Variants in ZNF586 observed in about 807,000 individuals in gnomAD.
ZNF586 encodes the protein zinc finger protein 586.
ZNF586 carries 7 observed loss-of-function variants against 6.7 expected under a neutral mutation model. That is an observed-to-expected ratio of 1.04 (90% confidence interval 0.59 to 1.95). The LOEUF (loss-of-function observed/expected upper bound fraction) is 1.95. ZNF586 is among the 30% of genes most tolerant of loss of function. The pLI is 0.00. For missense variants in ZNF586, 442 were observed against 489.6 expected (o/e 0.90, Z 0.92); for synonymous variants, 166 against 168.7 (o/e 0.98, Z 0.12).
Position 57,779,565 on chromosome 19 carries a change from T to C in ZNF586, c.978T>C (p.Phe326=). 6.2e-7 allele frequency: 1 copy of C among 1,613,628 alleles called. No homozygotes were observed. Among genetic ancestry groups the C allele is most frequent in the Non-Finnish European group, 8.5e-7 (1 of 1,179,938 alleles). Residue 326 remains phenylalanine (F), a synonymous_variant, in exon 3 of 3, where the codon TTT becomes TTC. Transcript: ENST00000396154. The part of the protein sequence containing the change: ...RHECGQCGKS[F]SRKSSLIIHL... ...AGTGCGGGCAGTGTGGGAAATCCTT[T>C]AGCCGAAAATCTAGCCTTATTATAC...
intron 1 of ZNF586, among the ~76,000 whole-genome samples, chr19:57,775,913 T>C (rs762526592): frequency 3.3e-5 from 5 of 152,182 alleles, no homozygotes; most frequent in African/African-American, 7.2e-5. Flanking sequence ...CTCTCTCTTA[T>C]GCATAGTGCA....
chr19:57,774,177 T>C (rs1987165383), intron 1 of ZNF586, among the ~76,000 whole-genome samples: 2 of 144,796 alleles, frequency 1.4e-5, no homozygotes, highest in African/African-American at 5.2e-5. Context: ...GATTGTGTCA[T>C]TGCACTCTAG....
At chr19:57,775,883 T>C (rs1286284789) in intron 1 of ZNF586, among the ~76,000 whole-genome samples, 2 of 152,132 alleles carry the variant, frequency 1.3e-5, no homozygotes, top group Non-Finnish European at 2.9e-5. Flanking sequence ...ATTACAGGCG[T>C]GCGCCACCGC....
chr19:57,776,329 A>G (rs1169876299), intron 1 of ZNF586, among the ~76,000 whole-genome samples: 1 of 152,170 alleles, frequency 6.6e-6, no homozygotes, highest in Admixed American at 6.5e-5. Context: ...CACAGCATAG[A>G]TACCTGTGTG....
chr19:57,769,860 T>C lies in ZNF586; in HGVS notation c.18T>C (p.Ala6=). The C allele has an allele frequency of 6.5e-7, 1 of 1,541,568 alleles. No homozygotes were observed. The highest frequency in any genetic ancestry group is 8.7e-7 in the Non-Finnish European group (1 of 1,144,730). Residue 6 remains alanine (A), a synonymous_variant, in exon 1 of 3, where the codon GCT becomes GCC. Transcript: ENST00000396154. MAAAA[A]LRAPAQSSVT... is the part of the protein sequence containing the mutation. ...CCAGAGTCATGGCGGCAGCAGCCGC[T>C]CTGAGGGCGCCTGCTCAGGTGAGCG...
Position 57,769,849 on chromosome 19 carries a change from G to A in ZNF586, c.7G>A (p.Ala3Thr). 1 of 1,543,568 alleles carries A rather than the reference G, an allele frequency of 6.5e-7. No homozygotes were observed. The highest frequency in any genetic ancestry group is 8.7e-7 in the Non-Finnish European group (1 of 1,145,582). Reference sequence around the variant, plus strand: ...TCCCCCCCCGCCCAGAGTCATGGCGGCAGCAGCCGCTCTGAGGGCGCCTGC... The same window carrying A: ...TCCCCCCCCGCCCAGAGTCATGGCGACAGCAGCCGCTCTGAGGGCGCCTGC... MA[A>T]AAALRAPAQS... The change falls in exon 1 of 3, where the codon GCA becomes ACA. Residue 3 changes from alanine (A) to threonine (T), a missense_variant. Transcript: ENST00000396154.
chr19:57,775,104 C>T (rs1384785636), intron 1 of ZNF586, among the ~76,000 whole-genome samples: 1 of 151,452 alleles, frequency 6.6e-6, no homozygotes, highest in African/African-American at 2.4e-5. Flanking sequence ...GTTCATGATT[C>T]TCCCGCCTCA....
intron 2 of ZNF586, among the ~76,000 whole-genome samples, chr19:57,778,086 T>C (rs1410560730): frequency 1.3e-5 from 2 of 150,108 alleles, no homozygotes; most frequent in Non-Finnish European, 3.0e-5. Flanking sequence ...TTTTTTTTTT[T>C]TTTCTTGAGA....
chr19:57,776,821 GC>G, intron 2 of ZNF586, 152 bp downstream of exon 2: 1 of 869,250 alleles, frequency 1.2e-6, no homozygotes. Context: ...TGTACGTACT[GC>G]CCTGTCCTTT....
At chr19:57,771,928 G>A (rs576769706) in intron 1 of ZNF586, among the ~76,000 whole-genome samples, 3 of 152,240 alleles carry the variant, frequency 2.0e-5, no homozygotes, top group African/African-American at 4.8e-5. Context: ...GAGTTCAAGC[G>A]ATTCTCCTGC....
At chr19:57,770,634 A>G (rs1038130907) in intron 1 of ZNF586, among the ~76,000 whole-genome samples, 2 of 152,366 alleles carry the variant, frequency 1.3e-5, no homozygotes, top group South Asian at 4.1e-4. Context: ...CTGGGCCACA[A>G]GATTAGAGAC....
At chr19:57,772,565 G>A (rs752151401) in intron 1 of ZNF586, among the ~76,000 whole-genome samples, 7 of 151,364 alleles carry the variant, frequency 4.6e-5, no homozygotes, top group East Asian at 1.9e-4. Flanking sequence ...CCCCTTCCTC[G>A]GCTTCCATTA....
At position 57,779,549 on chromosome 19, in the gene ZNF586, A is replaced by C. The variant is rs373983937; in HGVS notation, c.962A>C (p.Gln321Pro). Residue 321 changes from glutamine (Q) to proline (P), a missense_variant, in exon 3 of 3, where the codon CAG (glutamine) becomes CCG (proline). Transcript: ENST00000396154. Reference sequence around the variant, plus strand: ...ACTGGAGAAAGGCATGAGTGCGGGCAGTGTGGGAAATCCTTTAGCCGAAAA... The same window carrying C: ...ACTGGAGAAAGGCATGAGTGCGGGCCGTGTGGGAAATCCTTTAGCCGAAAA... Reference protein sequence around the residue: ...VHTGERHECGQCGKSFSRKSS... With the variant: ...VHTGERHECGPCGKSFSRKSS... The C allele has an allele frequency of 7.4e-6, 12 of 1,613,998 alleles. No homozygotes were observed. Among genetic ancestry groups the C allele is most frequent in the Non-Finnish European group, 1.0e-5 (12 of 1,180,006 alleles).
chr19:57,775,455 A>G (rs1428897384), intron 1 of ZNF586, among the ~76,000 whole-genome samples: 11 of 152,140 alleles, frequency 7.2e-5, no homozygotes, highest in African/African-American at 1.2e-4. Context: ...TGATTGTGCC[A>G]CTATGCTCCA....
rs1748726048 is a variant in ZNF586 at position 57,769,775 on chromosome 19, G to T, written c.-68G>T. On this transcript the variant is annotated 5_prime_UTR_variant, in exon 1 of 3. Coordinates refer to ENST00000396154, the MANE Select transcript of ZNF586 (RefSeq NM_017652.4). ...GGATCTGAGGTTCGGCGACGCCGCT[G>T]GTCGCGACCCGGGACAGGACAACGA... is the stretch of plus-strand genomic sequence containing the variant. 7 of 1,507,618 alleles carry T rather than the reference G, an allele frequency of 4.6e-6. No individual in the cohort carries two copies. The Admixed American group carries it at 7.9e-5, about 17-fold the overall frequency. 93.4% of individuals were successfully genotyped at this position (1,507,618 alleles called of 1,614,324 possible).
rs745881426 is a variant in ZNF586, at chr19:57,779,818, T to C, written c.*22T>C. 2 of 1,551,558 alleles carry C rather than the reference T, an allele frequency of 1.3e-6. No homozygotes were observed. The highest frequency in any genetic ancestry group is 1.7e-6 in the Non-Finnish European group (2 of 1,150,390). On this transcript the variant is annotated 3_prime_UTR_variant, in exon 3 of 3. Coordinates refer to ENST00000396154, the MANE Select transcript of ZNF586 (RefSeq NM_017652.4). Reference sequence around the variant, plus strand: ...GTGAAGCAAATTTTGGAAATTCTCTTGCCCAGGCTTTTTGCTCCTTCAAGG... The same window carrying C: ...GTGAAGCAAATTTTGGAAATTCTCTCGCCCAGGCTTTTTGCTCCTTCAAGG...
chr19:57,777,885 A>G (rs907040436), intron 2 of ZNF586, among the ~76,000 whole-genome samples: 17 of 147,046 alleles, frequency 1.2e-4, no homozygotes, highest in African/African-American at 4.3e-4. Flanking sequence ...CCTCCTGAGT[A>G]GCTAGGATTA....
intron 1 of ZNF586, among the ~76,000 whole-genome samples, chr19:57,770,157 CT>C (rs56139513): frequency 0.016 from 2,045 of 128,164 alleles, 31 homozygotes; most frequent in Middle Eastern, 0.043. Context: ...GGAGTTATTT[CT>C]TTTTTTTTTT....
rs1410401055 is a variant in ZNF586 at position 57,778,866 on chromosome 19, T to C, written c.279T>C (p.Tyr93=). 1.2e-6 allele frequency: 2 copies of C among 1,614,118 alleles called. No homozygotes were observed. The highest frequency in any genetic ancestry group is 1.3e-5 in the African/African-American group (1 of 75,012). The change falls in exon 3 of 3, where the codon TAT becomes TAC. Residue 93 remains tyrosine, a synonymous_variant. Transcript: ENST00000396154. Reference sequence around the variant, plus strand: ...AAAGGCCTTATGAGTGTGGGGAATATAGGAAATTATTTAAGAACAAGTCCT... The same window carrying C: ...AAAGGCCTTATGAGTGTGGGGAATACAGGAAATTATTTAAGAACAAGTCCT... ...SGERPYECGE[Y]RKLFKNKSCL... is the part of the protein sequence containing the mutation.
Sources: gnomAD v4.1 joint callset for allele counts (sites outside exome capture counted in the v4.1 genomes callset) on GRCh38, gnomAD v4.1.1 for gene constraint, MANE v1.5 for transcripts, NCBI Gene and HGNC (gene_info 2026-07-23, HGNC 2026-07-21) for gene names.